The following ADGRB3 variants were observed in gnomAD, a reference collection of about 807,000 sequenced individuals.
ADGRB3 encodes the protein brain-specific angiogenesis inhibitor 3.
Under a neutral mutation model 193.4 loss-of-function variants are expected in ADGRB3, and 37 were observed. The observed-to-expected ratio is 0.19, with a 90% CI of 0.15 to 0.25. The LOEUF is 0.25. Among genes scored for constraint, ADGRB3 ranks in the 10% least tolerant of loss-of-function variants. The pLI, the probability that ADGRB3 is intolerant of heterozygous loss-of-function variation, is 1.00. For synonymous variants in ADGRB3, 690 were observed against 644.2 expected, an observed-to-expected ratio of 1.07 and a Z score of -1.08; for missense variants, 1,637 against 1,852.9, an observed-to-expected ratio of 0.88 and a Z score of 2.14.
At chr6:69,153,154 T>A (rs1774727206) in intron 17 of ADGRB3, among the ~76,000 whole-genome samples, 1 of 152,164 alleles carries the variant, frequency 6.6e-6, no homozygotes, top group African/African-American at 2.4e-5. Context: ...GGATTTTTAA[T>A]TTTAAAATCT....
intron 15 of ADGRB3, among the ~76,000 whole-genome samples, chr6:69,052,421 A>G (rs954289256): frequency 1.3e-5 from 2 of 152,226 alleles, no homozygotes; most frequent in Non-Finnish European, 2.9e-5. Context: ...GTTTTATAAA[A>G]TATATTCCTT....
chr6:68,955,432 C>T (rs1231829814), intron 6 of ADGRB3, among the ~76,000 whole-genome samples: 1 of 152,210 alleles, frequency 6.6e-6, no homozygotes, highest in African/African-American at 2.4e-5. Context: ...ACCCCATCTC[C>T]TAGCACAATG....
At chr6:69,181,879 A>G (rs1341337294) in intron 17 of ADGRB3, among the ~76,000 whole-genome samples, 1 of 152,178 alleles carries the variant, frequency 6.6e-6, no homozygotes, top group African/African-American at 2.4e-5. Context: ...AACTAGGTTA[A>G]TAATTTCTTG....
intron 17 of ADGRB3, among the ~76,000 whole-genome samples, chr6:69,077,680 C>G (rs1050608320): frequency 2.0e-5 from 3 of 151,988 alleles, no homozygotes; most frequent in African/African-American, 7.2e-5. Context: ...TCACACCTCC[C>G]TAACATCTGC....
intron 20 of ADGRB3, among the ~76,000 whole-genome samples, chr6:69,254,344 T>G (rs1432255797): frequency 1.3e-5 from 2 of 152,300 alleles, no homozygotes; most frequent in East Asian, 3.9e-4. Flanking sequence ...TTTACCTATC[T>G]GTTATTAATA....
At chr6:69,227,991 C>T (rs754972544) in intron 17 of ADGRB3, among the ~76,000 whole-genome samples, 3 of 152,166 alleles carry the variant, frequency 2.0e-5, no homozygotes, top group Non-Finnish European at 4.4e-5. Flanking sequence ...TGTGGTGGCT[C>T]ACACCTGTAA....
chr6:68,811,823 C>G (rs1367786984), intron 3 of ADGRB3, among the ~76,000 whole-genome samples: 1 of 151,982 alleles, frequency 6.6e-6, no homozygotes, highest in African/African-American at 2.4e-5. Flanking sequence ...CATGTACTTT[C>G]TAGATGTCGT....
chr6:68,753,115 C>G (rs1239857374), intron 3 of ADGRB3, among the ~76,000 whole-genome samples: 1 of 152,118 alleles, frequency 6.6e-6, no homozygotes, highest in Non-Finnish European at 1.5e-5. Context: ...GGAAAAGGTA[C>G]CACCCTAGGC....
At chr6:68,815,634 T>TGG (rs1562041512) in intron 3 of ADGRB3, among the ~76,000 whole-genome samples, 1 of 120,936 alleles carries the variant, frequency 8.3e-6, no homozygotes, top group African/African-American at 2.7e-5. Flanking sequence ...TGTGTGTGTG[T>TGG]GTGTGTGCAT....
Position 69,270,284 on chromosome 6 carries a change from G to A in ADGRB3, c.2814+31058G>A, listed in dbSNP as rs557187492. Among the ~76,000 whole-genome samples, 159 of 152,230 alleles carry A rather than the reference G, an allele frequency of 1.0e-3. 1 individual carries two copies. Among genetic ancestry groups the A allele is most frequent in the African/African-American group, 3.3e-3 (138 of 41,552 alleles). ...AAATGAACATACTGTTGGTAACACAGCAACAAGAAGAAAGGATGTCACAGA... is the reference window on the plus strand; with the variant it reads ...AAATGAACATACTGTTGGTAACACAACAACAAGAAGAAAGGATGTCACAGA... On this transcript the variant is annotated intron_variant, in intron 20 of 31. Coordinates refer to ENST00000370598, the MANE Select transcript of ADGRB3 (RefSeq NM_001704.3).
At chr6:68,780,908 T>G (rs540330588) in intron 3 of ADGRB3, among the ~76,000 whole-genome samples, 7 of 152,292 alleles carry the variant, frequency 4.6e-5, no homozygotes, top group African/African-American at 1.4e-4. Flanking sequence ...AAATGTTATT[T>G]AAAATGTCTT....
chr6:68,764,021 T>A (rs954786701), intron 3 of ADGRB3, among the ~76,000 whole-genome samples: 50 of 152,284 alleles, frequency 3.3e-4, no homozygotes, highest in African/African-American at 1.2e-3. Context: ...TGCAGTGAGC[T>A]GAAATGCACC....
At chr6:69,300,010 A>C (rs1300598253) in intron 20 of ADGRB3, among the ~76,000 whole-genome samples, 1 of 151,854 alleles carries the variant, frequency 6.6e-6, no homozygotes, top group Non-Finnish European at 1.5e-5. Flanking sequence ...AAGTAGAGAA[A>C]GACTACAAAA....
At chr6:69,213,948 C>T (rs1394132210) in intron 17 of ADGRB3, among the ~76,000 whole-genome samples, 1 of 152,056 alleles carries the variant, frequency 6.6e-6, no homozygotes, top group Non-Finnish European at 1.5e-5. Flanking sequence ...ATGTTAAGGA[C>T]CTAAAAATTG....
In ADGRB3 at chr6:69,361,506, T is replaced by C. The variant is rs1403026199; in HGVS notation, c.4233T>C (p.Ser1411=). 4.3e-6 allele frequency: 7 copies of C among 1,609,270 alleles called. No individual in the cohort carries two copies. In the South Asian group the frequency reaches 5.5e-5, roughly 13 times the overall value. ...SETGSTISMS[S]LERRKSRYSD... ...CTGGATCAACGATATCAATGAGTTCTTTAGAGGTGAGCCACAGAAGATTAA... is the reference window on the plus strand; with the variant it reads ...CTGGATCAACGATATCAATGAGTTCCTTAGAGGTGAGCCACAGAAGATTAA... The change falls in exon 29 of 32, where the codon TCT becomes TCC. Residue 1411 remains serine, a synonymous_variant. Coordinates refer to ENST00000370598, the MANE Select transcript of ADGRB3 (RefSeq NM_001704.3).
At chr6:69,378,626 C>T (rs771298922) in intron 30 of ADGRB3, among the ~76,000 whole-genome samples, 2 of 151,984 alleles carry the variant, frequency 1.3e-5, no homozygotes, top group Admixed American at 6.6e-5. Context: ...CAAAATTACC[C>T]TGCAACGTAA....
At chr6:68,793,419 C>G (rs1767147021) in intron 3 of ADGRB3, among the ~76,000 whole-genome samples, 1 of 152,100 alleles carries the variant, frequency 6.6e-6, no homozygotes, top group Admixed American at 6.6e-5. Context: ...TTTATAGCTA[C>G]AGATCATATC....
intron 20 of ADGRB3, among the ~76,000 whole-genome samples, chr6:69,297,400 C>CTA (rs1258641248): frequency 6.9e-6 from 1 of 144,030 alleles, no homozygotes; most frequent in Non-Finnish European, 1.5e-5. Context: ...CTATCTCTCT[C>CTA]TCTCTCTCTC....
rs561797082 is a variant in ADGRB3, at chr6:69,210,304, C to T, written c.2481-22986C>T. On this transcript the variant is annotated intron_variant, in intron 17 of 31. Transcript: ENST00000370598. ...GAGTCTGATGTTCAAGGGCAGGGAGCATCCAGCATGGGAGAAAGATGTAGG... is the reference window on the plus strand; with the variant it reads ...GAGTCTGATGTTCAAGGGCAGGGAGTATCCAGCATGGGAGAAAGATGTAGG... Among the ~76,000 whole-genome samples, 31 of 151,550 alleles carry T rather than the reference C, an allele frequency of 2.0e-4. No individual in the cohort carries two copies. In the South Asian group the frequency reaches 4.8e-3, roughly 23 times the overall value.
Sources: gnomAD v4.1 joint callset for allele counts (sites outside exome capture counted in the v4.1 genomes callset) on GRCh38, gnomAD v4.1.1 for gene constraint, MANE v1.5 for transcripts, NCBI Gene and HGNC (gene_info 2026-07-23, HGNC 2026-07-21) for gene names.